Variants in DNAJC15 observed in about 807,000 individuals in gnomAD.
DNAJC15 encodes the protein DnaJ heat shock protein family (Hsp40) member C15, also known as dnaJ homolog subfamily C member 15.
DNAJC15 carries 27 observed loss-of-function variants against 22.4 expected under a neutral mutation model. That is an observed-to-expected ratio of 1.20 (90% CI 0.89 to 1.66). The LOEUF (loss-of-function observed/expected upper bound fraction) is 1.66, where lower values mean the gene tolerates loss of function less well. DNAJC15 is among the 40% of genes most tolerant of loss of function. DNAJC15 has a pLI of 0.00. For missense variants in DNAJC15, 208 were observed against 187.1 expected (o/e 1.11, Z -0.65); for synonymous variants, 79 against 63.2 (o/e 1.25, Z -1.19).
chr13:43,098,743 A>AT (rs2040753281), intron 5 of DNAJC15, among the ~76,000 whole-genome samples: 1 of 152,176 alleles, frequency 6.6e-6, no homozygotes, highest in Non-Finnish European at 1.5e-5. Context: ...AGTTTCATTG[A>AT]TCAGTCTGTC....
At chr13:43,074,379 T>C (rs564781298) in intron 3 of DNAJC15, among the ~76,000 whole-genome samples, 1 of 152,336 alleles carries the variant, frequency 6.6e-6, no homozygotes, top group Admixed American at 6.5e-5. Flanking sequence ...ATGAATGGGA[T>C]AGTACAAAAT....
intron 1 of DNAJC15, among the ~76,000 whole-genome samples, chr13:43,050,892 A>G (rs190252980): frequency 6.6e-6 from 1 of 152,210 alleles, no homozygotes; most frequent in Admixed American, 6.5e-5. Context: ...TGATTGCTCA[A>G]TTTTGGTTAT....
intron 4 of DNAJC15, among the ~76,000 whole-genome samples, chr13:43,085,192 T>C (rs1190707924): frequency 1.3e-5 from 2 of 152,046 alleles, no homozygotes; most frequent in Non-Finnish European, 2.9e-5. Flanking sequence ...TGAAACCCTG[T>C]CTCTACTAAA....
chr13:43,024,764 A>G (rs58524165), intron 1 of DNAJC15, among the ~76,000 whole-genome samples: 2,640 of 151,912 alleles, frequency 0.017, 94 homozygotes, highest in East Asian at 0.12. Context: ...TCAACATTCA[A>G]TATGAAATAT....
At chr13:43,048,951 CT>C (rs1193319303) in intron 1 of DNAJC15, among the ~76,000 whole-genome samples, 1 of 151,506 alleles carries the variant, frequency 6.6e-6, no homozygotes, top group Non-Finnish European at 1.5e-5. Context: ...CCAAGGCAGC[CT>C]TGTGAATTTT....
At chr13:43,040,480 TTGTCTGG>T (rs934386836) in intron 1 of DNAJC15, among the ~76,000 whole-genome samples, 21 of 152,202 alleles carry the variant, frequency 1.4e-4, no homozygotes, top group African/African-American at 3.6e-4. Flanking sequence ...ATTTTACAAG[TTGTCTGG>T]TCTAATCTGT....
chr13:43,067,222 TATC>T (rs2040588343), intron 2 of DNAJC15, among the ~76,000 whole-genome samples: 1 of 151,942 alleles, frequency 6.6e-6, no homozygotes, highest in Non-Finnish European at 1.5e-5. Flanking sequence ...TTCTCACAAT[TATC>T]ATTTAAAACA....
chr13:43,038,051 G>T (rs1373537558), intron 1 of DNAJC15, among the ~76,000 whole-genome samples: 1 of 152,116 alleles, frequency 6.6e-6, no homozygotes, highest in Non-Finnish European at 1.5e-5. Flanking sequence ...TTCCCCCATT[G>T]TTGGGTAGTC....
At chr13:43,031,825 T>C (rs888607476) in intron 1 of DNAJC15, among the ~76,000 whole-genome samples, 2 of 152,258 alleles carry the variant, frequency 1.3e-5, no homozygotes, top group Admixed American at 6.5e-5. Flanking sequence ...TCTTTGTTTC[T>C]CTTTCCCCTT....
chr13:43,084,986 G>T (rs550565989), intron 4 of DNAJC15, among the ~76,000 whole-genome samples: 40 of 152,286 alleles, frequency 2.6e-4, no homozygotes, highest in African/African-American at 9.4e-4. Context: ...CTCTAGCCCT[G>T]TTTTACAGTG....
intron 1 of DNAJC15, among the ~76,000 whole-genome samples, chr13:43,048,894 A>C (rs1360758337): frequency 6.6e-6 from 1 of 152,180 alleles, no homozygotes; most frequent in Non-Finnish European, 1.5e-5. Flanking sequence ...TTTTTAAGCC[A>C]TAAACGTCTG....
chr13:43,078,999 C>G (rs974111913), intron 4 of DNAJC15: 1 of 178,772 alleles, frequency 5.6e-6, no homozygotes, highest in Non-Finnish European at 1.2e-5. Context: ...TCTCTAGACT[C>G]AGTTTTATAA....
chr13:43,072,713 G>T (rs778295451), intron 3 of DNAJC15, among the ~76,000 whole-genome samples: 1 of 151,862 alleles, frequency 6.6e-6, no homozygotes, highest in Admixed American at 6.6e-5. Context: ...GCAGGCACTC[G>T]TCACTATTCC....
chr13:43,092,378 G>A (rs1266794736), intron 5 of DNAJC15, among the ~76,000 whole-genome samples: 4 of 151,522 alleles, frequency 2.6e-5, no homozygotes, highest in Non-Finnish European at 5.9e-5. Context: ...TTGTTGGTTT[G>A]TCTCTTCCAA....
In DNAJC15 at chr13:43,111,209, C is replaced by T. The variant is rs1421285402; in HGVS notation, c.*3961C>T. ...ATTGTTTAGTCTTCAAAGCACTTTA[C>T]TTTTTATGAAATATATTTTAGACAT... On this transcript the variant is annotated 3_prime_UTR_variant, in exon 6 of 6. Transcript: ENST00000379221. The T allele has an allele frequency of 1.3e-5, 2 of 152,110 alleles. No individual in the cohort carries two copies. Among genetic ancestry groups the T allele is most frequent in the Non-Finnish European group, 2.9e-5 (2 of 67,998 alleles). 9.4% of individuals were successfully genotyped at this position (152,110 alleles called of 1,614,324 possible).
At chr13:43,082,946 TATCTC>T (rs914056323) in intron 4 of DNAJC15, among the ~76,000 whole-genome samples, 13 of 152,020 alleles carry the variant, frequency 8.6e-5, no homozygotes, top group East Asian at 1.9e-4. Context: ...TTACTGAACT[TATCTC>T]ATTATTTAGA....
intron 3 of DNAJC15, among the ~76,000 whole-genome samples, chr13:43,077,184 C>T (rs1341061087): frequency 6.6e-6 from 1 of 152,204 alleles, no homozygotes; most frequent in Non-Finnish European, 1.5e-5. Context: ...TCATTCTCCT[C>T]ATGTCTGTTA....
chr13:43,093,392 T>G (rs1469725729), intron 5 of DNAJC15, among the ~76,000 whole-genome samples: 1 of 152,110 alleles, frequency 6.6e-6, no homozygotes, highest in Non-Finnish European at 1.5e-5. Context: ...ACTGAAAAAT[T>G]GTTTTCTTTT....
At chr13:43,026,682 T>G (rs943528997) in intron 1 of DNAJC15, among the ~76,000 whole-genome samples, 1 of 151,576 alleles carries the variant, frequency 6.6e-6, no homozygotes, top group African/African-American at 2.4e-5. Flanking sequence ...TGTCAATGAG[T>G]TAAAGAAAAA....
Sources: allele counts gnomAD v4.1 joint callset (sites outside exome capture counted in the v4.1 genomes callset), GRCh38; gene constraint gnomAD v4.1.1; transcripts MANE v1.5; gene names NCBI Gene and HGNC (gene_info 2026-07-23, HGNC 2026-07-21).